Variants in SV2C observed in about 807,000 individuals in gnomAD.
SV2C encodes solute carrier family 22 member B3.
In SV2C, 49 loss-of-function variants were observed where a neutral mutation model predicts 79.7. That is an observed-to-expected ratio of 0.61 (90% CI 0.49 to 0.78). The LOEUF (loss-of-function observed/expected upper bound fraction) is 0.78. Ranked by LOEUF, SV2C falls within the 30% of genes least tolerant of loss-of-function variation. The probability of loss-of-function intolerance (pLI) is 0.00; values close to 1 mark genes in which losing one functional copy is unlikely to be tolerated. For missense variants in SV2C, 833 were observed against 912.9 expected, an observed-to-expected ratio of 0.91 and a Z score of 1.13; for synonymous variants, 334 against 333.2, an observed-to-expected ratio of 1.00 and a Z score of -0.03.
At chr5:76,278,345 T>G (rs555436882) in intron 4 of SV2C, among the ~76,000 whole-genome samples, 1 of 152,226 alleles carries the variant, frequency 6.6e-6, no homozygotes, top group Non-Finnish European at 1.5e-5. Flanking sequence ...TGATAAGAGC[T>G]GTCAAGACAA....
In SV2C at chr5:76,271,346, C is replaced by T. The variant is rs2972832; in HGVS notation, c.914-13816C>T. 4.1e-3 allele frequency among the ~76,000 whole-genome samples: 630 copies of T among 152,058 alleles called. 3 individuals are homozygous for T. The highest frequency in any genetic ancestry group is 0.037 in the Middle Eastern group (11 of 294). On this transcript the variant is annotated intron_variant, in intron 4 of 12. Coordinates refer to ENST00000502798, the MANE Select transcript of SV2C (RefSeq NM_014979.4). ...AGGTATATTGTTCCATTTTCAGTAA[C>T]GTGATGGGCTATGTTATTGGGACTA...
chr5:76,018,867 G>A, the SV2C span, among the ~76,000 whole-genome samples: 1 of 152,204 alleles, frequency 6.6e-6, no homozygotes, highest in Non-Finnish European at 1.5e-5. Context: ...AGCTTCACAA[G>A]TAAATTGGAG....
chr5:76,189,634 G>C (rs1744034995), intron 2 of SV2C, among the ~76,000 whole-genome samples: 1 of 152,176 alleles, frequency 6.6e-6, no homozygotes, highest in African/African-American at 2.4e-5. Flanking sequence ...GATGCAGAGT[G>C]AGAGATTTTT....
intron 1 of SV2C, among the ~76,000 whole-genome samples, chr5:76,122,819 A>G (rs1025915472): frequency 1.3e-5 from 2 of 152,088 alleles, no homozygotes; most frequent in East Asian, 1.9e-4. Flanking sequence ...AAGAACTAGA[A>G]AAGCAAGACC....
intron 2 of SV2C, among the ~76,000 whole-genome samples, chr5:76,159,133 A>G (rs1345456306): frequency 2.0e-5 from 3 of 152,096 alleles, no homozygotes; most frequent in African/African-American, 7.2e-5. Context: ...AAACATCCTC[A>G]GTCTGATAAG....
At chr5:76,091,202 C>T (rs1167035726) in intron 1 of SV2C, among the ~76,000 whole-genome samples, 1 of 152,194 alleles carries the variant, frequency 6.6e-6, no homozygotes, top group Admixed American at 6.5e-5. Flanking sequence ...AAGTCTATTA[C>T]TTTTTGAAGC....
At chr5:76,151,789 A>T (rs1749613587) in intron 2 of SV2C, among the ~76,000 whole-genome samples, 1 of 146,044 alleles carries the variant, frequency 6.8e-6, no homozygotes, top group Non-Finnish European at 1.5e-5. Context: ...CAGTGCCCTT[A>T]GCAGAGCCTG....
intron 1 of SV2C, among the ~76,000 whole-genome samples, chr5:76,127,483 C>A (rs1320780433): frequency 6.6e-6 from 1 of 152,178 alleles, no homozygotes. Flanking sequence ...GGTTTAACAG[C>A]CGCTTCTATA....
the SV2C span, among the ~76,000 whole-genome samples, chr5:75,871,810 T>C: frequency 7.4e-6 from 1 of 135,874 alleles, no homozygotes; most frequent in Non-Finnish European, 1.5e-5. Flanking sequence ...CTGTCTCAAA[T>C]ATATAAATAT....
the SV2C span, among the ~76,000 whole-genome samples, chr5:75,944,431 CA>C: frequency 6.6e-6 from 1 of 152,158 alleles, no homozygotes; most frequent in South Asian, 2.1e-4. Context: ...ATTTTTATTA[CA>C]AAAATTCCTG....
chr5:75,906,091 A>G, the SV2C span, among the ~76,000 whole-genome samples: 1 of 151,844 alleles, frequency 6.6e-6, no homozygotes, highest in African/African-American at 2.4e-5. Context: ...GCTGGTAACT[A>G]CCAGAAGCTA....
chr5:76,081,398 G>A (rs1438490316), upstream of SV2C, among the ~76,000 whole-genome samples: 1 of 152,142 alleles, frequency 6.6e-6, no homozygotes, highest in Non-Finnish European at 1.5e-5. Flanking sequence ...TAAATAACAT[G>A]CGGGGAATCC....
At chr5:75,937,879 C>CTTTTTT in the SV2C span, among the ~76,000 whole-genome samples, 2 of 149,938 alleles carry the variant, frequency 1.3e-5, no homozygotes, top group African/African-American at 4.9e-5. Flanking sequence ...AGCATTATCT[C>CTTTTTT]TTTTTTTTTG....
the SV2C span, among the ~76,000 whole-genome samples, chr5:76,028,955 C>T: frequency 2.6e-5 from 4 of 152,254 alleles, no homozygotes; most frequent in South Asian, 4.1e-4. Context: ...GAACAGAAAC[C>T]GTATTTTATT....
chr5:75,852,442 C>T, the SV2C span, among the ~76,000 whole-genome samples: 3 of 151,880 alleles, frequency 2.0e-5, no homozygotes, highest in African/African-American at 7.3e-5. Flanking sequence ...CACATGCAGA[C>T]GAGAATTATG....
At chr5:76,045,707 A>G in the SV2C span, among the ~76,000 whole-genome samples, 2 of 152,024 alleles carry the variant, frequency 1.3e-5, 1 homozygote, top group African/African-American at 4.8e-5. Context: ...CTTGAACTTT[A>G]TTATTTAAAT....
the SV2C span, among the ~76,000 whole-genome samples, chr5:75,932,307 G>A: frequency 2.6e-5 from 4 of 152,294 alleles, no homozygotes; most frequent in Middle Eastern, 6.8e-3. Flanking sequence ...ACATGGGATC[G>A]GCTGTGGCTA....
chr5:76,321,882 A>G (rs1259763759), intron 12 of SV2C, among the ~76,000 whole-genome samples: 1 of 152,168 alleles, frequency 6.6e-6, no homozygotes, highest in Non-Finnish European at 1.5e-5. Context: ...GCGTATCTTA[A>G]AGAGAGGGAA....
the SV2C span, among the ~76,000 whole-genome samples, chr5:76,054,446 A>G: frequency 1.3e-5 from 2 of 152,212 alleles, no homozygotes; most frequent in East Asian, 1.9e-4. Flanking sequence ...TAGTGCTGCA[A>G]TAAACATATG....
Sources: gnomAD v4.1 joint callset for allele counts (sites outside exome capture counted in the v4.1 genomes callset) on GRCh38, gnomAD v4.1.1 for gene constraint, MANE v1.5 for transcripts, NCBI Gene and HGNC (gene_info 2026-07-23, HGNC 2026-07-21) for gene names.